Variants in DPH6 observed in about 807,000 individuals in gnomAD.
The protein encoded by DPH6 is diphthine--ammonia ligase.
DPH6 carries 33 observed loss-of-function variants against 38.2 expected under a neutral mutation model. The observed-to-expected ratio is 0.86, with a 90% CI of 0.65 to 1.15. The LOEUF (loss-of-function observed/expected upper bound fraction) is 1.15, where lower values mean the gene tolerates loss of function less well. DPH6 is among the 50% of genes most tolerant of loss of function. The pLI is 0.00. For missense variants in DPH6, 325 were observed against 320.0 expected (o/e 1.02, Z -0.12); for synonymous variants, 108 against 103.0 (o/e 1.05, Z -0.30).
At chr15:35,445,117 G>A (rs1321631758) in intron 5 of DPH6, among the ~76,000 whole-genome samples, 1 of 152,160 alleles carries the variant, frequency 6.6e-6, no homozygotes, top group African/African-American at 2.4e-5. Flanking sequence ...ACTCCAGAGA[G>A]GAGTTGTTAG....
In DPH6 at chr15:35,316,274, A is replaced by G. The variant is rs192519245; in HGVS notation, n.200+57247T>C. Among the ~76,000 whole-genome samples the G allele has an allele frequency of 4.4e-3, 665 of 152,314 alleles. 3 individuals are homozygous for G. The highest frequency in any genetic ancestry group is 0.015 in the African/African-American group (636 of 41,586). The stretch of plus-strand genomic sequence containing the variant: ...GATTTGATCTCTACAAATTATATGA[A>G]TGTATTAAATTATTTACATGTACCC... On this transcript the variant is annotated intron_variant and non_coding_transcript_variant, in intron 3 of 3. Coordinates refer to the DPH6 transcript ENST00000560386.
intron 2 of DPH6, among the ~76,000 whole-genome samples, chr15:35,540,921 A>G (rs2055243563): frequency 1.3e-5 from 2 of 152,124 alleles, no homozygotes; most frequent in Admixed American, 6.6e-5. Flanking sequence ...AGATAGCTTG[A>G]AAGTCCCAGT....
At chr15:35,209,674 C>T in the DPH6 span, among the ~76,000 whole-genome samples, 12 of 152,218 alleles carry the variant, frequency 7.9e-5, no homozygotes, top group African/African-American at 2.6e-4. Flanking sequence ...GCTTCTTGTA[C>T]AGAACTCTTA....
intron 3 of DPH6, among the ~76,000 whole-genome samples, chr15:35,256,671 T>C (rs12372966): frequency 0.069 from 10,567 of 152,266 alleles, 912 homozygotes; most frequent in East Asian, 0.34. Context: ...CTCTGGGATT[T>C]AGCCATGTCT....
chr15:35,359,453 T>C (rs747563474), intron 3 of DPH6, among the ~76,000 whole-genome samples: 3 of 152,198 alleles, frequency 2.0e-5, no homozygotes, highest in African/African-American at 4.8e-5. Context: ...TGCTTCTCTC[T>C]GTGTAGTTTT....
intron 7 of DPH6, 107 bp from the exon 8 acceptor site, chr15:35,373,715 C>T: frequency 1.3e-6 from 1 of 765,418 alleles, no homozygotes; most frequent in Non-Finnish European, 2.1e-6. Flanking sequence ...ATATTTATCT[C>T]CATTGGTATA....
chr15:35,322,369 C>G (rs1253486974), intron 3 of DPH6, among the ~76,000 whole-genome samples: 1 of 152,176 alleles, frequency 6.6e-6, no homozygotes, highest in Non-Finnish European at 1.5e-5. Flanking sequence ...TTGCTTTAAA[C>G]TATAAACTAA....
At chr15:35,237,779 G>C in intron 3 of DPH6, 1 of 1,606,890 alleles carries the variant, frequency 6.2e-7, no homozygotes, top group Non-Finnish European at 8.5e-7. Flanking sequence ...TGACCGGGAC[G>C]ACAAGGAGGC....
the DPH6 span, among the ~76,000 whole-genome samples, chr15:35,198,674 C>G: frequency 2.2e-3 from 328 of 152,122 alleles, 2 homozygotes; most frequent in Admixed American, 0.012. Context: ...TAAAAGACAC[C>G]AAAGGTGTAT....
At chr15:35,293,918 T>C (rs2051996760) in intron 3 of DPH6, among the ~76,000 whole-genome samples, 1 of 152,190 alleles carries the variant, frequency 6.6e-6, no homozygotes, top group Admixed American at 6.5e-5. Flanking sequence ...GGGTGACACT[T>C]GTTAGCATAA....
chr15:35,521,829 TAAAG>T, intron 3 of DPH6: 1 of 1,317,096 alleles, frequency 7.6e-7, no homozygotes, highest in Non-Finnish European at 9.6e-7. Context: ...GCAGTGCTCC[TAAAG>T]GAGTATAAAA....
At chr15:35,285,872 G>GTTGTTTTTTTTTTTTTTTT (rs1555391170) in intron 3 of DPH6, among the ~76,000 whole-genome samples, 1 of 52,794 alleles carries the variant, frequency 1.9e-5, no homozygotes, top group African/African-American at 7.5e-5. Flanking sequence ...TTATCTTTGA[G>GTTGTTTTTTTTTTTTTTTT]TTTTTTTTTT....
intron 3 of DPH6, among the ~76,000 whole-genome samples, chr15:35,236,968 C>T (rs975017458): frequency 2.6e-5 from 4 of 152,048 alleles, no homozygotes; most frequent in South Asian, 2.1e-4. Flanking sequence ...TTGATAAAGT[C>T]GATAGATAAG....
chr15:35,496,567 A>ATATAG (rs1555406398), intron 3 of DPH6, among the ~76,000 whole-genome samples: 1 of 31,016 alleles, frequency 3.2e-5, no homozygotes, highest in Non-Finnish European at 5.3e-5. Flanking sequence ...AAAAAAAAAA[A>ATATAG]ATATATATAT....
rs574042581 is a variant in DPH6 at position 35,226,231 on chromosome 15, C to G, written n.201-5649G>C. Among the ~76,000 whole-genome samples the G allele has an allele frequency of 3.1e-4, 47 of 152,342 alleles. No individual in the cohort carries two copies. In the South Asian group the frequency reaches 9.7e-3, roughly 32 times the overall value. On this transcript the variant is annotated intron_variant and non_coding_transcript_variant, in intron 3 of 3. Coordinates refer to the DPH6 transcript ENST00000560386. ...CTATTCGGTTTTCTGCAATCTGGAA[C>G]AGGCATATTAGTGTAGTATGGTGAT...
the DPH6 span, among the ~76,000 whole-genome samples, chr15:35,157,762 C>T: frequency 6.6e-6 from 1 of 152,070 alleles, no homozygotes; most frequent in African/African-American, 2.4e-5. Flanking sequence ...AGTGACCATT[C>T]CTGTTCTGTG....
intron 3 of DPH6, chr15:35,520,696 G>T (rs1033092796): frequency 1.0e-6 from 1 of 984,782 alleles, no homozygotes. Flanking sequence ...CTGAACCTCT[G>T]TAGAAACATG....
chr15:35,176,550 C>T, the DPH6 span, among the ~76,000 whole-genome samples: 65 of 152,032 alleles, frequency 4.3e-4, no homozygotes, highest in African/African-American at 1.5e-3. Context: ...CAGCTCACCA[C>T]AACCTCCGCC....
At chr15:35,517,562 C>T (rs559704479) in intron 3 of DPH6, among the ~76,000 whole-genome samples, 2 of 152,088 alleles carry the variant, frequency 1.3e-5, no homozygotes, top group South Asian at 4.1e-4. Flanking sequence ...AGAATTTGTA[C>T]CTTTTCATTT....
Sources: gnomAD v4.1 joint callset for allele counts (sites outside exome capture counted in the v4.1 genomes callset) on GRCh38, gnomAD v4.1.1 for gene constraint, MANE v1.5 for transcripts, NCBI Gene and HGNC (gene_info 2026-07-23, HGNC 2026-07-21) for gene names.